The following PCDH11X variants were observed in gnomAD, a reference collection of about 807,000 sequenced individuals.
PCDH11X encodes the protein protocadherin-11 X-linked.
PCDH11X carries 18 observed loss-of-function variants against 53.3 expected under a neutral mutation model. The observed-to-expected ratio is 0.34, with a 90% CI of 0.23 to 0.50. PCDH11X has a LOEUF of 0.50. Among genes scored for constraint, PCDH11X ranks in the 20% least tolerant of loss-of-function variants. The pLI is 0.98. For synonymous variants in PCDH11X, 279 were observed against 393.3 expected (o/e 0.71, Z 3.44); for missense variants, 570 against 1,032.4 (o/e 0.55, Z 6.14).
chrX:92,508,210 TTTG>T (rs200546406), intron 10 of PCDH11X, among the ~76,000 whole-genome samples: 1 of 60,569 alleles, frequency 1.7e-5, no homozygotes, highest in Non-Finnish European at 4.3e-5. Flanking sequence ...GTAACTCTAC[TTTG>T]TTTTTTTTTG....
chrX:92,015,372 T>G (rs2062773595), intron 6 of PCDH11X, among the ~76,000 whole-genome samples: 1 of 112,008 alleles, frequency 8.9e-6, no homozygotes, highest in Admixed American at 9.5e-5. Context: ...TTTGCTACAT[T>G]GATTGGCTCT....
Position 92,327,419 on chromosome X carries a change from C to T in PCDH11X, c.3145-60316C>T, listed in dbSNP as rs201495143. On this transcript the variant is annotated intron_variant, in intron 8 of 10. Coordinates refer to ENST00000682573, the MANE Select transcript of PCDH11X (RefSeq NM_032968.5). Reference sequence around the variant, plus strand: ...GCAGTCTAGTTGATTGCATACTGAGCTGTCCTCTAAAGCTTTAAGGGAATT... The same window carrying T: ...GCAGTCTAGTTGATTGCATACTGAGTTGTCCTCTAAAGCTTTAAGGGAATT... Among the ~76,000 whole-genome samples the T allele has an allele frequency of 1.9e-4, 18 of 96,752 alleles. No individual in the cohort carries two copies. In the East Asian group the frequency reaches 5.3e-3, roughly 29 times the overall value. The allele number at this position is 96,752 out of a possible 115,157, so 84.0% of individuals were successfully genotyped here.
intron 9 of PCDH11X, among the ~76,000 whole-genome samples, chrX:92,400,002 C>T (rs1173668321): frequency 4.7e-5 from 5 of 106,684 alleles, no homozygotes; most frequent in African/African-American, 1.4e-4. Flanking sequence ...CCGCCCGCCT[C>T]GGCCTCCCAA....
At chrX:92,122,748 C>A (rs1286644078) in intron 6 of PCDH11X, among the ~76,000 whole-genome samples, 1 of 110,103 alleles carries the variant, frequency 9.1e-6, no homozygotes, top group African/African-American at 3.3e-5. Flanking sequence ...ACCTGCCTGG[C>A]CAACATGGTG....
intron 6 of PCDH11X, among the ~76,000 whole-genome samples, chrX:91,886,179 C>T (rs1357565811): frequency 1.8e-5 from 2 of 111,724 alleles, no homozygotes; most frequent in East Asian, 5.6e-4. Context: ...GTTTGCCTTG[C>T]AAGTTCTCAG....
intron 6 of PCDH11X, among the ~76,000 whole-genome samples, chrX:91,928,467 A>G (rs1160747618): frequency 7.3e-5 from 7 of 95,784 alleles, no homozygotes; most frequent in Non-Finnish European, 1.3e-4. Flanking sequence ...CCTAAAAAAC[A>G]TTCAAATATT....
chrX:92,121,981 GTTTTTTTTT>G (rs746833949), intron 6 of PCDH11X, among the ~76,000 whole-genome samples: 4 of 69,459 alleles, frequency 5.8e-5, no homozygotes, highest in Admixed American at 1.7e-4. Flanking sequence ...AGTCATTTCT[GTTTTTTTTT>G]TTTTTTTTTT....
At chrX:92,103,743 C>T (rs112313913) in intron 6 of PCDH11X, among the ~76,000 whole-genome samples, 2 of 112,110 alleles carry the variant, frequency 1.8e-5, no homozygotes, top group South Asian at 3.8e-4. Context: ...CTGGCTGCTA[C>T]AGTTCAGGCG....
chrX:92,321,062 G>T (rs1179786083), intron 8 of PCDH11X, among the ~76,000 whole-genome samples: 2 of 101,283 alleles, frequency 2.0e-5, no homozygotes, highest in Non-Finnish European at 4.3e-5. Flanking sequence ...GAATCAGTCT[G>T]TGGTTAGTGG....
intron 6 of PCDH11X, among the ~76,000 whole-genome samples, chrX:92,174,522 C>A (rs2065874694): frequency 9.0e-6 from 1 of 111,324 alleles, no homozygotes; most frequent in African/African-American, 3.3e-5. Context: ...ACGTGAGAAT[C>A]AAAAAATGTA....
At chrX:92,403,638 G>A (rs1396062446) in intron 9 of PCDH11X, among the ~76,000 whole-genome samples, 4 of 110,069 alleles carry the variant, frequency 3.6e-5, no homozygotes, top group Non-Finnish European at 5.7e-5. Flanking sequence ...TTCCCAGAAG[G>A]CTTTTAATCA....
intron 8 of PCDH11X, among the ~76,000 whole-genome samples, chrX:92,280,850 G>A (rs1052969349): frequency 7.2e-5 from 8 of 111,078 alleles, no homozygotes; most frequent in South Asian, 7.5e-4. Context: ...AGTAGTAAAT[G>A]TGGGGAAAAC....
At chrX:91,789,200 CAAAAA>C (rs764959497) in intron 1 of PCDH11X, among the ~76,000 whole-genome samples, 3,093 of 46,882 alleles carry the variant, frequency 0.066, 91 homozygotes, top group African/African-American at 0.21. Context: ...GACTCCGTCT[CAAAAA>C]AAAAAAAAAA....
At chrX:91,913,729 A>G (rs756575237) in intron 6 of PCDH11X, among the ~76,000 whole-genome samples, 18 of 111,646 alleles carry the variant, frequency 1.6e-4, no homozygotes, top group African/African-American at 4.9e-4. Context: ...GTAAGCTTAG[A>G]GCCCTTTACT....
At chrX:92,326,958 C>G (rs1409803268) in intron 8 of PCDH11X, among the ~76,000 whole-genome samples, 6 of 109,364 alleles carry the variant, frequency 5.5e-5, no homozygotes, top group Non-Finnish European at 1.1e-4. Context: ...AGTCTCTCAT[C>G]AGTCTTCTCA....
At chrX:92,044,727 G>T (rs2063260132) in intron 6 of PCDH11X, among the ~76,000 whole-genome samples, 1 of 99,813 alleles carries the variant, frequency 1.0e-5, no homozygotes, top group South Asian at 5.0e-4. Flanking sequence ...GATCTTTGCA[G>T]GTGTATTGTC....
chrX:92,282,894 A>G (rs912530873), intron 8 of PCDH11X, among the ~76,000 whole-genome samples: 3 of 111,552 alleles, frequency 2.7e-5, no homozygotes, highest in African/African-American at 6.5e-5. Flanking sequence ...ATTTAAAAAG[A>G]CACACAAAAT....
chrX:92,328,242 C>T (rs1403339211), intron 8 of PCDH11X, among the ~76,000 whole-genome samples: 1 of 110,601 alleles, frequency 9.0e-6, no homozygotes, highest in Non-Finnish European at 1.9e-5. Flanking sequence ...ATTGGGCCCT[C>T]GTAGTAAATT....
At chrX:92,275,428 G>A (rs2068064536) in intron 8 of PCDH11X, among the ~76,000 whole-genome samples, 1 of 110,874 alleles carries the variant, frequency 9.0e-6, no homozygotes, top group Non-Finnish European at 1.9e-5. Flanking sequence ...GGCTGTCTGT[G>A]AAGCCTTGTG....
Sources: gnomAD v4.1 joint callset for allele counts (sites outside exome capture counted in the v4.1 genomes callset) on GRCh38, gnomAD v4.1.1 for gene constraint, MANE v1.5 for transcripts, NCBI Gene and HGNC (gene_info 2026-07-23, HGNC 2026-07-21) for gene names.